NRG1: variants seen among roughly 807,000 people sequenced by gnomAD.
NRG1 encodes pro-neuregulin-1, membrane-bound isoform.
NRG1 carries 18 observed loss-of-function variants against 63.8 expected under a neutral mutation model. The ratio of observed to expected loss-of-function variants is 0.28; its 90% CI spans 0.19 to 0.42. NRG1 has a LOEUF of 0.42. Ranked by LOEUF, NRG1 falls within the 10% of genes least tolerant of loss-of-function variation. The probability of loss-of-function intolerance (pLI) is 1.00; values close to 1 mark genes in which losing one functional copy is unlikely to be tolerated. For missense variants in NRG1, 762 were observed against 814.7 expected (o/e 0.94, Z 0.79); for synonymous variants, 302 against 301.3 (o/e 1.00, Z -0.02).
intron 5 of NRG1, among the ~76,000 whole-genome samples, chr8:32,651,156 C>A (rs1855029060): frequency 6.6e-6 from 1 of 151,982 alleles, no homozygotes; most frequent in Non-Finnish European, 1.5e-5. Context: ...TTTTAAATTG[C>A]CTTAAGGTAT....
At chr8:32,320,770 A>G (rs1230699359) in intron 1 of NRG1, among the ~76,000 whole-genome samples, 1 of 152,160 alleles carries the variant, frequency 6.6e-6, no homozygotes, top group African/African-American at 2.4e-5. Context: ...GCAGAAATAG[A>G]CTGCTCACCT....
rs138630693 is a variant in NRG1, at chr8:32,053,305, A to T, written c.37+413874A>T. ...CAGGGCTAGTCAGAATACCAGGCCGATACACGCTTCACAAGCATGTATTGA... is the reference window on the plus strand; with the variant it reads ...CAGGGCTAGTCAGAATACCAGGCCGTTACACGCTTCACAAGCATGTATTGA... On this transcript the variant is annotated intron_variant, in intron 1 of 10. Transcript: ENST00000519301. Among the ~76,000 whole-genome samples, 405 of 152,248 alleles carry T rather than the reference A, an allele frequency of 2.7e-3. 2 individuals are homozygous for T. Among genetic ancestry groups the T allele is most frequent in the African/African-American group, 9.3e-3 (386 of 41,554 alleles).
At chr8:31,730,915 C>G (rs1813974228) in intron 1 of NRG1, among the ~76,000 whole-genome samples, 1 of 151,952 alleles carries the variant, frequency 6.6e-6, no homozygotes, top group Non-Finnish European at 1.5e-5. Context: ...TAAAGAATGT[C>G]AAGATATTAA....
chr8:31,672,197 C>T (rs972597526), intron 1 of NRG1, among the ~76,000 whole-genome samples: 1 of 152,022 alleles, frequency 6.6e-6, no homozygotes, highest in Non-Finnish European at 1.5e-5. Context: ...TGTTTCCTAC[C>T]TCAGCAAGCC....
chr8:31,682,646 A>G (rs977995061), intron 1 of NRG1, among the ~76,000 whole-genome samples: 5 of 152,076 alleles, frequency 3.3e-5, no homozygotes, highest in Non-Finnish European at 7.4e-5. Context: ...TCAAACCAAA[A>G]TGTTAAAAAA....
intron 1 of NRG1, among the ~76,000 whole-genome samples, chr8:31,999,707 A>G (rs1471887428): frequency 6.6e-6 from 1 of 152,012 alleles, no homozygotes; most frequent in Non-Finnish European, 1.5e-5. Flanking sequence ...TAAAAATATC[A>G]AAATGAACAG....
At chr8:32,643,166 G>A (rs538846236) in intron 5 of NRG1, among the ~76,000 whole-genome samples, 1 of 152,214 alleles carries the variant, frequency 6.6e-6, no homozygotes, top group African/African-American at 2.4e-5. Flanking sequence ...CTTGATCCAG[G>A]TTGGCATACT....
intron 1 of NRG1, among the ~76,000 whole-genome samples, chr8:32,029,198 G>C (rs1338321014): frequency 6.6e-6 from 1 of 152,044 alleles, no homozygotes; most frequent in Non-Finnish European, 1.5e-5. Context: ...TCATATTCTG[G>C]ATTATGTGGG....
chr8:32,020,205 A>G (rs1210496502), intron 1 of NRG1, among the ~76,000 whole-genome samples: 1 of 152,182 alleles, frequency 6.6e-6, no homozygotes, highest in Non-Finnish European at 1.5e-5. Flanking sequence ...ATTTTGGAAT[A>G]GATGTATTAT....
Position 32,404,182 on chromosome 8 carries a change from A to G in NRG1, c.38-191646A>G, listed in dbSNP as rs535683365. Among the ~76,000 whole-genome samples, 143 of 152,298 alleles carry G rather than the reference A, an allele frequency of 9.4e-4. 1 individual carries two copies. Among genetic ancestry groups the G allele is most frequent in the African/African-American group, 3.3e-3 (139 of 41,558 alleles). Reference sequence around the variant, plus strand: ...CCTGTTTTGCACCTGCAGGTGCTTGACATGCCTCTGAAAATGATCTCAGTG... The same window carrying G: ...CCTGTTTTGCACCTGCAGGTGCTTGGCATGCCTCTGAAAATGATCTCAGTG... On this transcript the variant is annotated intron_variant, in intron 1 of 10. Coordinates refer to the NRG1 transcript ENST00000519301.
intron 1 of NRG1, among the ~76,000 whole-genome samples, chr8:32,392,471 T>A (rs1437765192): frequency 6.6e-6 from 1 of 152,244 alleles, no homozygotes; most frequent in East Asian, 1.9e-4. Flanking sequence ...TCCTCCCTTT[T>A]TTCGCATCTC....
chr8:32,227,759 T>C (rs1405416071), intron 1 of NRG1, among the ~76,000 whole-genome samples: 3 of 152,186 alleles, frequency 2.0e-5, no homozygotes, highest in African/African-American at 7.2e-5. Context: ...CTCTCCCTTC[T>C]TTCTGGCCCC....
At chr8:32,163,084 G>A (rs762102578) in intron 1 of NRG1, among the ~76,000 whole-genome samples, 2 of 152,138 alleles carry the variant, frequency 1.3e-5, no homozygotes, top group Non-Finnish European at 2.9e-5. Flanking sequence ...AGAAAGATGT[G>A]GAAGGATCAA....
intron 1 of NRG1, among the ~76,000 whole-genome samples, chr8:31,718,432 G>A (rs1812577620): frequency 6.6e-6 from 1 of 152,140 alleles, no homozygotes; most frequent in Admixed American, 6.5e-5. Context: ...GGCCTAAGCT[G>A]CTTCATACTT....
chr8:31,651,940 G>A (rs529231892), intron 1 of NRG1, among the ~76,000 whole-genome samples: 38 of 152,154 alleles, frequency 2.5e-4, no homozygotes, highest in South Asian at 1.2e-3. Context: ...TACTTACCTG[G>A]TAACTTATGT....
intron 1 of NRG1, among the ~76,000 whole-genome samples, chr8:32,345,187 G>T (rs575784311): frequency 1.3e-5 from 2 of 152,196 alleles, no homozygotes; most frequent in South Asian, 4.1e-4. Flanking sequence ...TGTCCATTTA[G>T]TTCTGGGTGT....
At chr8:32,422,868 T>C (rs1343269394) in intron 1 of NRG1, among the ~76,000 whole-genome samples, 5 of 152,252 alleles carry the variant, frequency 3.3e-5, no homozygotes, top group Admixed American at 2.6e-4. Context: ...ACTGTTTGAA[T>C]CTGTGTAATA....
At chr8:32,484,588 T>C (rs1825697171) in intron 1 of NRG1, among the ~76,000 whole-genome samples, 1 of 152,144 alleles carries the variant, frequency 6.6e-6, no homozygotes, top group African/African-American at 2.4e-5. Flanking sequence ...ATTTGTACAA[T>C]ATACCTATGC....
chr8:31,853,767 T>C (rs1198630805), intron 1 of NRG1, among the ~76,000 whole-genome samples: 1 of 152,068 alleles, frequency 6.6e-6, no homozygotes, highest in Non-Finnish European at 1.5e-5. Context: ...ATAGCTCTTA[T>C]TATTTTGAAA....
Sources: gnomAD v4.1 joint callset for allele counts (sites outside exome capture counted in the v4.1 genomes callset) on GRCh38, gnomAD v4.1.1 for gene constraint, MANE v1.5 for transcripts, NCBI Gene and HGNC (gene_info 2026-07-23, HGNC 2026-07-21) for gene names.